The following GON4L variants were observed in gnomAD, a reference collection of about 807,000 sequenced individuals.
The protein encoded by GON4L is GON-4-like protein.
A neutral mutation model predicts 211.8 loss-of-function variants in GON4L; 87 were observed. The observed-to-expected ratio is 0.41, with a 90% confidence interval of 0.35 to 0.49. GON4L has a LOEUF of 0.49. GON4L is among the 20% of genes least tolerant of loss of function. The pLI, the probability that GON4L is intolerant of heterozygous loss-of-function variation, is 0.15. For synonymous variants in GON4L, 875 were observed against 962.6 expected (o/e 0.91, Z 1.68); for missense variants, 2,155 against 2,659.5 (o/e 0.81, Z 4.17).
At position 155,853,495 on chromosome 1, in the gene GON4L, CA is replaced by C. The variant is rs1204127096; in HGVS notation, c.285del (p.Asp96MetfsTer39). 6.2e-7 allele frequency: 1 copy of C among 1,614,136 alleles called. No individual in the cohort carries two copies. Among genetic ancestry groups the C allele is most frequent in the Non-Finnish European group, 8.5e-7 (1 of 1,179,978 alleles). On this transcript the variant is annotated frameshift_variant, in exon 2 of 32. Coordinates refer to ENST00000368331, the MANE Select transcript of GON4L (RefSeq NM_001282860.2). LOFTEE classifies it high-confidence loss of function. The part of the protein sequence containing the change: ...QNTNVPILEG[V>X]DVAISQGITL... Reference sequence around the variant, plus strand: ...GTGATTCCCTGAGAGATGGCCACATCAACACCTTCTAGAATTGGTACATTTG... The same window carrying C: ...GTGATTCCCTGAGAGATGGCCACATCACACCTTCTAGAATTGGTACATTTG...
chr1:155,755,025 G>A (rs1661025600), intron 27 of GON4L, among the ~76,000 whole-genome samples: 1 of 147,630 alleles, frequency 6.8e-6, no homozygotes, highest in African/African-American at 2.5e-5. Context: ...TCCCACCTCA[G>A]CCTCCCAAGT....
chr1:155,825,505 G>A (rs1472452190), intron 3 of GON4L, among the ~76,000 whole-genome samples: 1 of 150,256 alleles, frequency 6.7e-6, no homozygotes, highest in Admixed American at 6.7e-5. Flanking sequence ...CCGGAAGGCA[G>A]ACACTGCAGT....
At chr1:155,774,601 C>T (rs1027350108) in intron 17 of GON4L, among the ~76,000 whole-genome samples, 1 of 152,144 alleles carries the variant, frequency 6.6e-6, no homozygotes, top group Non-Finnish European at 1.5e-5. Flanking sequence ...GCCACCGCGC[C>T]TGGCCTTAGT....
At chr1:155,769,016 G>A (rs149712814) in intron 19 of GON4L, among the ~76,000 whole-genome samples, 3 of 152,132 alleles carry the variant, frequency 2.0e-5, no homozygotes, top group African/African-American at 4.8e-5. Flanking sequence ...CTCCTCTGTC[G>A]CCCAGGCTGG....
intron 14 of GON4L, among the ~76,000 whole-genome samples, chr1:155,783,469 A>C (rs1291418595): frequency 2.6e-5 from 4 of 152,220 alleles, no homozygotes; most frequent in African/African-American, 7.2e-5. Context: ...AAAATGAGGA[A>C]AAAATTAAAG....
At chr1:155,769,658 G>A (rs914385850) in intron 19 of GON4L, among the ~76,000 whole-genome samples, 6 of 152,018 alleles carry the variant, frequency 3.9e-5, no homozygotes, top group Non-Finnish European at 5.9e-5. Flanking sequence ...CTAAAAATGC[G>A]ATTATTTACT....
chr1:155,775,161 T>G lies in GON4L; in HGVS notation c.2191A>C (p.Thr731Pro). Reference sequence around the variant, plus strand: ...AGGGCGATGGAGCTTTGAGCAAAGGTTCCCAGCTCTTTCTGGGAAAACAGG... The same window carrying G: ...AGGGCGATGGAGCTTTGAGCAAAGGGTCCCAGCTCTTTCTGGGAAAACAGG... ...TTRIFLKELGTFAQSSIALHH... is the reference protein window; with the variant it reads ...TTRIFLKELGPFAQSSIALHH... The change falls in exon 17 of 32, where the codon ACC becomes CCC. Residue 731 changes from threonine to proline, a missense_variant. Transcript: ENST00000368331. 1 of 1,614,138 alleles carries G rather than the reference T, an allele frequency of 6.2e-7. No homozygotes were observed. Among genetic ancestry groups the G allele is most frequent in the South Asian group, 1.1e-5 (1 of 91,072 alleles).
chr1:155,814,980 G>A (rs1257493561), intron 8 of GON4L, among the ~76,000 whole-genome samples: 1 of 151,968 alleles, frequency 6.6e-6, no homozygotes, highest in Non-Finnish European at 1.5e-5. Context: ...AGGCATGGTA[G>A]CGCACGCCTG....
intron 3 of GON4L, among the ~76,000 whole-genome samples, chr1:155,824,492 C>A (rs113754521): frequency 0.064 from 9,020 of 141,740 alleles, 353 homozygotes; most frequent in African/African-American, 0.11. Flanking sequence ...TGCCTGTAAT[C>A]CCAGCACTTT....
At position 155,827,039 on chromosome 1, in the gene GON4L, C is replaced by T; in HGVS notation, c.506-11G>A. 6.3e-7 allele frequency: 1 copy of T among 1,588,372 alleles called. No homozygotes were observed. On this transcript the variant is annotated splice_polypyrimidine_tract_variant and intron_variant, in intron 2 of 31. Transcript: ENST00000368331. ...TCATTTGAGGTTTCCCTGGAAGAAT[C>T]ACAAATATTGCTCCACACTTTGACC...
At chr1:155,750,822 G>T in intron 31 of GON4L, 89 bp from the exon 32 acceptor site, 2 of 1,286,184 alleles carry the variant, frequency 1.6e-6, no homozygotes, top group Non-Finnish European at 2.2e-6. Flanking sequence ...GGAGTGCAGT[G>T]GCACTGTGTC....
In GON4L at chr1:155,750,675, G is replaced by C. The variant is rs1660472700; in HGVS notation, c.6635C>G (p.Ser2212Cys). ...QLFHTACEAS[S>C]EDEDDATSTS... ...ACTGGTTGCATCATCCTCATCCTCAGAGCTGGCTTCACAGGCAGTGTGGAA... is the reference window on the plus strand; with the variant it reads ...ACTGGTTGCATCATCCTCATCCTCACAGCTGGCTTCACAGGCAGTGTGGAA... The change falls in exon 32 of 32, where the codon TCT becomes TGT. Residue 2212 changes from serine to cysteine, a missense_variant. By Grantham distance (112) the Ser-to-Cys change is moderately radical. Coordinates refer to ENST00000368331, the MANE Select transcript of GON4L (RefSeq NM_001282860.2). The C allele has an allele frequency of 5.0e-6, 8 of 1,585,248 alleles. No individual in the cohort carries two copies. The highest frequency in any genetic ancestry group is 6.9e-6 in the Non-Finnish European group (8 of 1,165,720).
At chr1:155,800,160 T>A (rs1176765572) in intron 11 of GON4L, among the ~76,000 whole-genome samples, 2 of 146,890 alleles carry the variant, frequency 1.4e-5, no homozygotes, top group East Asian at 4.2e-4. Context: ...GATCGTGCCA[T>A]TGCACTCCAG....
chr1:155,837,088 A>G (rs1363224464), intron 2 of GON4L, among the ~76,000 whole-genome samples: 1 of 151,964 alleles, frequency 6.6e-6, no homozygotes, highest in African/African-American at 2.4e-5. Flanking sequence ...GTGCCGTTTC[A>G]TTTTTTTCCT....
At chr1:155,827,530 G>C (rs1283761304) in intron 2 of GON4L, among the ~76,000 whole-genome samples, 1 of 152,020 alleles carries the variant, frequency 6.6e-6, no homozygotes, top group African/African-American at 2.4e-5. Context: ...GCATTAAAAA[G>C]ACAGAGAAAA....
intron 19 of GON4L, among the ~76,000 whole-genome samples, chr1:155,770,865 C>G (rs1663121429): frequency 6.9e-6 from 1 of 144,050 alleles, no homozygotes; most frequent in African/African-American, 2.9e-5. Context: ...GTCTGTCTAA[C>G]AACAACAACA....
At chr1:155,849,711 T>C (rs967184318) in intron 2 of GON4L, among the ~76,000 whole-genome samples, 1 of 143,946 alleles carries the variant, frequency 6.9e-6, no homozygotes, top group African/African-American at 2.6e-5. Flanking sequence ...GAGGCGGAGG[T>C]TGCAGTGAGT....
intron 10 of GON4L, among the ~76,000 whole-genome samples, chr1:155,806,144 T>C (rs1022795249): frequency 3.3e-5 from 5 of 151,320 alleles, no homozygotes; most frequent in African/African-American, 1.2e-4. Flanking sequence ...TGCTCTACCA[T>C]GCTCGGCTAA....
chr1:155,771,028 T>C (rs539535901), intron 19 of GON4L, 39 bp downstream of exon 19: 2 of 1,613,838 alleles, frequency 1.2e-6, no homozygotes, highest in South Asian at 1.1e-5. Flanking sequence ...GGGTACATAT[T>C]GGTGAGGTGC....
Sources: allele counts gnomAD v4.1 joint callset (sites outside exome capture counted in the v4.1 genomes callset), GRCh38; gene constraint gnomAD v4.1.1; transcripts MANE v1.5; gene names NCBI Gene and HGNC (gene_info 2026-07-23, HGNC 2026-07-21).